Variants in ACAP1 observed in about 807,000 individuals in gnomAD.
The protein encoded by ACAP1 is ArfGAP with coiled-coil, ankyrin repeat and PH domains 1, also known as arf-GAP with coiled-coil, ANK repeat and PH domain-containing protein 1.
Under a neutral mutation model 98.8 loss-of-function variants are expected in ACAP1, and 45 were observed. That is an observed-to-expected ratio of 0.46 (90% CI 0.36 to 0.58). The LOEUF (loss-of-function observed/expected upper bound fraction) is 0.58, where lower values mean the gene tolerates loss of function less well. ACAP1 is among the 20% of genes least tolerant of loss of function. ACAP1 has a pLI of 0.00. For synonymous variants in ACAP1, 362 were observed against 375.3 expected, an observed-to-expected ratio of 0.96 and a Z score of 0.41; for missense variants, 735 against 971.4, an observed-to-expected ratio of 0.76 and a Z score of 3.24.
chr17:7,350,908 C>G lies in ACAP1; in HGVS notation c.2073-42C>G. ...TACAGGCGTGAGCCACCGCGCCCGGCCAAAGATAGTGTCGTTCATTTCTTA... is the reference window on the plus strand; with the variant it reads ...TACAGGCGTGAGCCACCGCGCCCGGGCAAAGATAGTGTCGTTCATTTCTTA... On this transcript the variant is annotated intron_variant, in intron 20 of 21. Transcript: ENST00000158762. The surrounding 1 kb of genome is among the most constrained non-coding windows in gnomAD (Gnocchi z 4.6). 1 of 1,610,682 alleles carries G rather than the reference C, an allele frequency of 6.2e-7. No homozygotes were observed. The highest frequency in any genetic ancestry group is 1.1e-5 in the South Asian group (1 of 91,006).
Position 7,344,528 on chromosome 17 carries a change from T to C in ACAP1, c.745-11T>C. On this transcript the variant is annotated splice_polypyrimidine_tract_variant and intron_variant, in intron 9 of 21. Transcript: ENST00000158762. This position sits in a 1 kb window ranked among gnomAD's most constrained non-coding sequence, Gnocchi z 4.9. ...CATCTCAGTTGCCCTTTGATCCTCT[T>C]GTGCCTCCAGGAGCTGGGTGGGGAG... The C allele has an allele frequency of 6.5e-7, 1 of 1,548,726 alleles. No homozygotes were observed. Among genetic ancestry groups the C allele is most frequent in the South Asian group, 1.2e-5 (1 of 83,952 alleles).
chr17:7,342,649 C>A, intron 5 of ACAP1, 175 bp downstream of exon 5: 1 of 753,030 alleles, frequency 1.3e-6, no homozygotes, highest in Non-Finnish European at 2.1e-6. Context: ...CCTATGATCC[C>A]GGCATTTTGG....
Position 7,344,102 on chromosome 17 carries a change from A to G in ACAP1, c.723A>G (p.Arg241=), listed in dbSNP as rs1442272760. 1.3e-6 allele frequency: 2 copies of G among 1,582,730 alleles called. No homozygotes were observed. The highest frequency in any genetic ancestry group is 1.4e-5 in the African/African-American group (1 of 74,058). The change falls in exon 9 of 22, where the codon AGA becomes AGG. Residue 241 remains arginine (R), a synonymous_variant. Transcript: ENST00000158762. The surrounding 1 kb of genome is among the most constrained non-coding windows in gnomAD (Gnocchi z 4.9). ...GAGAGAAGAGGGACATGGAGCAGAG[A>G]CACGTGCTGCTGAAACAGAAGGTGA... is the stretch of plus-strand genomic sequence containing the variant. ...SAREKRDMEQ[R]HVLLKQKELG...
chr17:7,347,021 T>G lies in ACAP1; in HGVS notation c.1132-10T>G, dbSNP rs772377429. 1 of 1,570,866 alleles carries G rather than the reference T, an allele frequency of 6.4e-7. No homozygotes were observed. Among genetic ancestry groups the G allele is most frequent in the Non-Finnish European group, 8.7e-7 (1 of 1,153,682 alleles). ...CCCTTGGCCACCCTTTCTTCCCCTC[T>G]CTCCCCCAGGGCTCAGGACACCTGG... On this transcript the variant is annotated splice_polypyrimidine_tract_variant and intron_variant, in intron 13 of 21. Transcript: ENST00000158762.
chr17:7,342,465 T>C lies in ACAP1; in HGVS notation c.335T>C (p.Leu112Pro). 1 of 1,614,090 alleles carries C rather than the reference T, an allele frequency of 6.2e-7. No homozygotes were observed. The highest frequency in any genetic ancestry group is 8.5e-7 in the Non-Finnish European group (1 of 1,180,000). ...ACACTGCAGCAGCAGATCCAGACCC[T>C]GGTCAAGGAGTGAGATGGGGCCGGG... ...QHTLQQQIQT[L>P]VKEGLRGFRE... Residue 112 changes from leucine (L) to proline (P), a missense_variant, in exon 5 of 22, where the codon CTG becomes CCG. Around this residue, in one of 5 missense-constraint regions of ACAP1, gnomAD observed 430 missense variants for 531.8 expected, o/e 0.81. Transcript: ENST00000158762.
intron 14 of ACAP1, chr17:7,347,541 A>G (rs964066070): frequency 3.9e-6 from 2 of 510,714 alleles, no homozygotes; most frequent in Non-Finnish European, 7.0e-6. Context: ...AGTGAAGACT[A>G]GGCAGAGAAA....
intron 18 of ACAP1, chr17:7,349,396 G>C: frequency 2.5e-6 from 1 of 403,310 alleles, no homozygotes; most frequent in Non-Finnish European, 4.4e-6. Flanking sequence ...TTTTTTTTTT[G>C]AGACAGTCTC....
In ACAP1 at chr17:7,343,276, G is replaced by A. The variant is rs574164459; in HGVS notation, c.345-103G>A. On this transcript the variant is annotated intron_variant, in intron 5 of 21. Transcript: ENST00000158762. The surrounding 1 kb of genome is among the most constrained non-coding windows in gnomAD (Gnocchi z 4.9). ...CCAGGGATCACCTTGGGTTTCCCAC[G>A]TTGCAGAGACTAACTGAAAGGACAT... is the stretch of plus-strand genomic sequence containing the variant. The A allele has an allele frequency of 2.5e-4, 314 of 1,271,790 alleles. No homozygotes were observed. The highest frequency in any genetic ancestry group is 1.7e-3 in the African/African-American group (117 of 66,990). The allele number at this position is 1,271,790 out of a possible 1,614,324, so 78.8% of individuals were successfully genotyped here.
Position 7,350,053 on chromosome 17 carries a change from G to A in ACAP1, c.1960G>A (p.Gly654Arg). ...LHHATILGHT[G>R]LACLFLKRGA... ...CCACGCAACCATTCTTGGCCACACG[G>A]GGTAGGGATGATGGCATGGGGAGGA... is the stretch of plus-strand genomic sequence containing the variant. The change falls in exon 19 of 22, where the codon GGG (glycine) becomes AGG (arginine). Residue 654 changes from glycine to arginine, a missense_variant and splice_region_variant. By Grantham distance (125) the Gly-to-Arg change is moderately radical. Around this residue, in one of 5 missense-constraint regions of ACAP1, gnomAD observed 142 missense variants for 224.1 expected, o/e 0.63. Coordinates refer to ENST00000158762, the MANE Select transcript of ACAP1 (RefSeq NM_014716.4). This position sits in a 1 kb window ranked among gnomAD's most constrained non-coding sequence, Gnocchi z 4.6. 1.2e-6 allele frequency: 2 copies of A among 1,613,516 alleles called. No individual in the cohort carries two copies. The highest frequency in any genetic ancestry group is 1.7e-6 in the Non-Finnish European group (2 of 1,179,486).
rs150346841 is a variant in ACAP1, at chr17:7,341,948, C to G, written c.112C>G (p.Leu38Val). 1.4e-4 allele frequency: 231 copies of G among 1,614,032 alleles called. No homozygotes were observed. Among genetic ancestry groups the G allele is most frequent in the Non-Finnish European group, 1.8e-4 (214 of 1,180,000 alleles). ...VSELETRLEK[L>V]LKLGTGLLES... The stretch of plus-strand genomic sequence containing the variant: ...CCCTGTTACCCTCCTTCTTTCCCAG[C>G]TCCTGAAACTGGGCACTGGTCTCCT... The change falls in exon 3 of 22, where the codon CTC becomes GTC. Residue 38 changes from leucine to valine, a missense_variant and splice_region_variant. By Grantham distance (32) the Leu-to-Val change is conservative (BLOSUM62 1). Coordinates refer to ENST00000158762, the MANE Select transcript of ACAP1 (RefSeq NM_014716.4).
intron 2 of ACAP1, among the ~76,000 whole-genome samples, chr17:7,339,320 A>G (rs1597647756): frequency 1.3e-5 from 2 of 148,916 alleles, no homozygotes; most frequent in African/African-American, 2.5e-5. Flanking sequence ...AAAAACCCCA[A>G]TAAACTCTAG....
intron 1 of ACAP1, 90 bp from the exon 2 acceptor site, chr17:7,337,222 G>A (rs994886986): frequency 2.7e-5 from 34 of 1,248,026 alleles, no homozygotes; most frequent in Non-Finnish European, 3.6e-5. Context: ...TTTCTCCTCC[G>A]TACCCACCGC....
Position 7,347,902 on chromosome 17 carries a change from C to T in ACAP1, c.1344-20C>T. 1 of 1,611,380 alleles carries T rather than the reference C, an allele frequency of 6.2e-7. No homozygotes were observed. The highest frequency in any genetic ancestry group is 8.5e-7 in the Non-Finnish European group (1 of 1,177,554). On this transcript the variant is annotated intron_variant, in intron 14 of 21. Transcript: ENST00000158762. ...CTGCCCCCCTGCACAGGGCCTGACC[C>T]TCCCCCTCTGGCCCTCCAGGAGCCT...
In ACAP1 at chr17:7,347,013, T is replaced by A; in HGVS notation, c.1132-18T>A. ...CCCTAGGCCCCTTGGCCACCCTTTC[T>A]TCCCCTCTCTCCCCCAGGGCTCAGG... On this transcript the variant is annotated intron_variant, in intron 13 of 21. Coordinates refer to ENST00000158762, the MANE Select transcript of ACAP1 (RefSeq NM_014716.4). 1.3e-6 allele frequency: 2 copies of A among 1,570,480 alleles called. No individual in the cohort carries two copies. Among genetic ancestry groups the A allele is most frequent in the Non-Finnish European group, 1.7e-6 (2 of 1,153,670 alleles).
chr17:7,344,697 T>C lies in ACAP1; in HGVS notation c.854+49T>C. ...AGCCCGCCCCACCCAATGATGTATTTTCGAGTGGTAATAGCACACTAAGCA... is the reference window on the plus strand; with the variant it reads ...AGCCCGCCCCACCCAATGATGTATTCTCGAGTGGTAATAGCACACTAAGCA... On this transcript the variant is annotated intron_variant, in intron 10 of 21. Transcript: ENST00000158762. This position sits in a 1 kb window ranked among gnomAD's most constrained non-coding sequence, Gnocchi z 4.9. 2 of 1,401,802 alleles carry C rather than the reference T, an allele frequency of 1.4e-6. No homozygotes were observed. The highest frequency in any genetic ancestry group is 2.0e-6 in the Non-Finnish European group (2 of 1,011,002). 86.8% of individuals were successfully genotyped at this position (1,401,802 alleles called of 1,614,324 possible). A position where few individuals can be genotyped will look rare whatever the true frequency, so the allele number is the denominator to read the frequency against.
chr17:7,349,005 T>C lies in ACAP1; in HGVS notation c.1689T>C (p.Ser563=), dbSNP rs763588457. 2 of 1,613,128 alleles carry C rather than the reference T, an allele frequency of 1.2e-6. No homozygotes were observed. The highest frequency in any genetic ancestry group is 8.5e-7 in the Non-Finnish European group (1 of 1,179,882). ...AAATCCCCCGAACAGAGCCCCCCTC[T>C]GAGGACCTGGGAAGCCTGCACCCTG... The part of the protein sequence containing the change: ...GSLRSKPEPP[S]EDLGSLHPGA... The change falls in exon 18 of 22, where the codon TCT becomes TCC. Residue 563 remains serine (S), a synonymous_variant. Transcript: ENST00000158762.
Position 7,343,342 on chromosome 17 carries a change from T to C in ACAP1, c.345-37T>C. 4.4e-6 allele frequency: 7 copies of C among 1,583,592 alleles called. No individual in the cohort carries two copies. In the South Asian group the frequency reaches 8.0e-5, roughly 18 times the overall value. On this transcript the variant is annotated intron_variant, in intron 5 of 21. Transcript: ENST00000158762. This position sits in a 1 kb window ranked among gnomAD's most constrained non-coding sequence, Gnocchi z 4.9. ...GGAATGCTCTGCTGGGGCAGGTGGG[T>C]GTTAGCTGCGATTCTGTGTTATTTT...
chr17:7,341,141 A>G (rs1281816406), intron 2 of ACAP1, among the ~76,000 whole-genome samples: 8 of 152,172 alleles, frequency 5.3e-5, no homozygotes, highest in Admixed American at 3.9e-4. Flanking sequence ...AGTAAATACT[A>G]TAGATTTTAT....
At position 7,349,954 on chromosome 17, in the gene ACAP1, C is replaced by T. The variant is rs1182318461; in HGVS notation, c.1861C>T (p.Leu621=). 3.1e-6 allele frequency: 5 copies of T among 1,609,758 alleles called. No individual in the cohort carries two copies. The highest frequency in any genetic ancestry group is 4.2e-6 in the Non-Finnish European group (5 of 1,177,214). The change falls in exon 19 of 22, where the codon CTG becomes TTG. Residue 621 remains leucine (L), a synonymous_variant. Coordinates refer to ENST00000158762, the MANE Select transcript of ACAP1 (RefSeq NM_014716.4). ...LIQATAANSL[L]ACEFLLQNGA... The stretch of plus-strand genomic sequence containing the variant: ...CGACTTCTCCATGCAGAATTCTCTT[C>T]TGGCCTGTGAGTTTCTCCTCCAGAA...
Sources: gnomAD v4.1 joint callset for allele counts (sites outside exome capture counted in the v4.1 genomes callset) on GRCh38, gnomAD v4.1.1 for gene constraint, gnomAD v4.1.1 regional missense constraint, Gnocchi (gnomAD v3.1) non-coding constraint, MANE v1.5 for transcripts, NCBI Gene and HGNC (gene_info 2026-07-23, HGNC 2026-07-21) for gene names.